The following TRIO variants were observed in gnomAD, a reference collection of about 807,000 sequenced individuals.
The protein encoded by TRIO is triple functional domain protein.
A neutral mutation model predicts 351.9 loss-of-function variants in TRIO; 58 were observed. The observed-to-expected ratio is 0.16, with a 90% CI of 0.13 to 0.21. The LOEUF (loss-of-function observed/expected upper bound fraction) is 0.21, where lower values mean the gene tolerates loss of function less well. Among genes scored for constraint, TRIO ranks in the 10% least tolerant of loss-of-function variants. The probability of loss-of-function intolerance (pLI) is 1.00; values close to 1 mark genes in which losing one functional copy is unlikely to be tolerated. For synonymous variants in TRIO, 1,758 were observed against 1,595.7 expected (o/e 1.10, Z -2.42); for missense variants, 3,201 against 4,027.8 (o/e 0.79, Z 5.56).
chr5:14,291,956 T>G (rs958113777), intron 5 of TRIO, among the ~76,000 whole-genome samples: 1 of 152,182 alleles, frequency 6.6e-6, no homozygotes, highest in Non-Finnish European at 1.5e-5. Context: ...AGTCTCATGT[T>G]TTATTCTTAT....
chr5:14,259,359 A>G (rs1335838195), intron 1 of TRIO, among the ~76,000 whole-genome samples: 1 of 152,256 alleles, frequency 6.6e-6, no homozygotes, highest in Non-Finnish European at 1.5e-5. Flanking sequence ...GTCTGTATGC[A>G]GAAGGTAATT....
chr5:14,364,026 C>G (rs981525715), intron 14 of TRIO, 99 bp downstream of exon 14: 1 of 1,234,968 alleles, frequency 8.1e-7, no homozygotes, highest in Non-Finnish European at 1.1e-6. Context: ...TTGTTAGTTC[C>G]TATGATAAAG....
chr5:14,259,735 T>A (rs1415028747), intron 1 of TRIO, among the ~76,000 whole-genome samples: 1 of 152,036 alleles, frequency 6.6e-6, no homozygotes, highest in Non-Finnish European at 1.5e-5. Context: ...AAATTAACTG[T>A]AGATTGCATG....
rs1173121592 is a variant in TRIO, at chr5:14,396,443, C to CTTTTTTTTT, written c.4312-564_4312-556dup. 1.9e-3 allele frequency among the ~76,000 whole-genome samples: 80 copies of CTTTTTTTTT among 41,554 alleles called. 17 individuals are homozygous for CTTTTTTTTT. Among genetic ancestry groups the CTTTTTTTTT allele is most frequent in the East Asian group, 3.9e-3 (3 of 762 alleles). 27.3% of individuals were successfully genotyped at this position (41,554 alleles called of 152,430 possible). A position where few individuals can be genotyped will look rare whatever the true frequency, so the allele number is the denominator to read the frequency against. On this transcript the variant is annotated intron_variant, in intron 28 of 56. Coordinates refer to ENST00000344204, the MANE Select transcript of TRIO (RefSeq NM_007118.4). Reference sequence around the variant, plus strand: ...ATAATAATTAAATATTTCTATTTATCTTTTTTTTTTTTTTTTTTTTTTTTT... The same window carrying CTTTTTTTTT: ...ATAATAATTAAATATTTCTATTTATCTTTTTTTTTTTTTTTTTTTTTTTTTTTTTTTTTT...
intron 34 of TRIO, among the ~76,000 whole-genome samples, chr5:14,438,100 T>G (rs1293859379): frequency 6.6e-6 from 1 of 152,196 alleles, no homozygotes; most frequent in Non-Finnish European, 1.5e-5. Flanking sequence ...AGTTCTTGTT[T>G]TCCTTCACAA....
intron 1 of TRIO, 40 bp downstream of exon 1, chr5:14,143,922 C>A: frequency 9.5e-7 from 1 of 1,052,316 alleles, no homozygotes; most frequent in South Asian, 4.4e-5. Flanking sequence ...CGGCGCTGCC[C>A]CAAGCGCTCG....
intron 1 of TRIO, among the ~76,000 whole-genome samples, chr5:14,168,032 A>G (rs1362912035): frequency 6.6e-5 from 10 of 152,242 alleles, no homozygotes. Context: ...TTTACAAGAT[A>G]GTTCTTCACA....
chr5:14,347,607 T>A (rs112523425), intron 11 of TRIO, among the ~76,000 whole-genome samples: 2,847 of 152,306 alleles, frequency 0.019, 33 homozygotes, highest in South Asian at 0.05. Context: ...ATGGGCAAAT[T>A]TCCAGCGTAT....
chr5:14,345,587 GTC>G (rs1742349811), intron 11 of TRIO, among the ~76,000 whole-genome samples: 1 of 152,206 alleles, frequency 6.6e-6, no homozygotes, highest in South Asian at 2.1e-4. Flanking sequence ...TTGAGACATA[GTC>G]TCACTCTGTC....
At chr5:14,448,196 C>G (rs887975619) in intron 34 of TRIO, among the ~76,000 whole-genome samples, 6 of 152,170 alleles carry the variant, frequency 3.9e-5, no homozygotes, top group African/African-American at 1.4e-4. Flanking sequence ...AAAAGAACAG[C>G]CATTTGACTT....
At chr5:14,265,799 G>A (rs1795637000) in intron 1 of TRIO, among the ~76,000 whole-genome samples, 1 of 152,112 alleles carries the variant, frequency 6.6e-6, no homozygotes. Flanking sequence ...TTGATTCAGT[G>A]GAAAGATATT....
intron 18 of TRIO, among the ~76,000 whole-genome samples, chr5:14,372,979 TAC>T (rs1311785570): frequency 6.6e-6 from 1 of 152,150 alleles, no homozygotes; most frequent in Non-Finnish European, 1.5e-5. Context: ...TCAGAAAACT[TAC>T]AGTCACTGCA....
chr5:14,409,752 A>G lies in TRIO; in HGVS notation c.4959+3080A>G, dbSNP rs556845804. 6.0e-5 allele frequency among the ~76,000 whole-genome samples: 9 copies of G among 150,714 alleles called. No homozygotes were observed. The South Asian group carries it at 6.4e-4, about 11-fold the overall frequency. ...CGGGAGGCTGAGGCAGGAGAATGGC[A>G]TGAACCCGGGAGGCAGAGCTTGCAG... On this transcript the variant is annotated intron_variant, in intron 33 of 56. Transcript: ENST00000344204.
Position 14,497,215 on chromosome 5 carries a change from G to T in TRIO, c.8019+198G>T, listed in dbSNP as rs904606705. 1.2e-4 allele frequency among the ~76,000 whole-genome samples: 19 copies of T among 152,208 alleles called. No individual in the cohort carries two copies. Among genetic ancestry groups the T allele is most frequent in the African/African-American group, 4.6e-4 (19 of 41,462 alleles). On this transcript the variant is annotated intron_variant, in intron 50 of 56. Coordinates refer to ENST00000344204, the MANE Select transcript of TRIO (RefSeq NM_007118.4). The surrounding 1 kb of genome is among the most constrained non-coding windows in gnomAD (Gnocchi z 4.4). ...CACAGGGATGGGTGCGTCCTACAAG[G>T]AACCAGGTAGACCCCTGCACACTTC...
At chr5:14,422,351 G>C (rs1750240198) in intron 34 of TRIO, among the ~76,000 whole-genome samples, 2 of 152,198 alleles carry the variant, frequency 1.3e-5, no homozygotes, top group African/African-American at 2.4e-5. Flanking sequence ...TAGGCAGGAG[G>C]AAGGAGCACC....
intron 45 of TRIO, 46 bp from the exon 46 acceptor site, chr5:14,482,536 A>G: frequency 3.0e-6 from 4 of 1,347,886 alleles, no homozygotes; most frequent in Non-Finnish European, 3.9e-6. Context: ...TTAGAAGGCA[A>G]TGTTTTCTTC....
chr5:14,273,120 T>G (rs1054238224), intron 2 of TRIO, among the ~76,000 whole-genome samples: 3 of 152,176 alleles, frequency 2.0e-5, no homozygotes, highest in Non-Finnish European at 4.4e-5. Context: ...AATCACTAAT[T>G]TACTTTCTGC....
intron 1 of TRIO, among the ~76,000 whole-genome samples, chr5:14,265,254 C>A (rs1380863357): frequency 1.3e-5 from 2 of 152,036 alleles, no homozygotes; most frequent in Non-Finnish European, 2.9e-5. Flanking sequence ...TTTAGAATCG[C>A]ATCAGTTCAT....
At chr5:14,354,554 C>G (rs1579410171) in intron 11 of TRIO, among the ~76,000 whole-genome samples, 1 of 152,312 alleles carries the variant, frequency 6.6e-6, no homozygotes, top group South Asian at 2.1e-4. Flanking sequence ...TTATTTTCAG[C>G]TACATTTCTT....
Sources: allele counts gnomAD v4.1 joint callset (sites outside exome capture counted in the v4.1 genomes callset), GRCh38; gene constraint gnomAD v4.1.1; non-coding constraint Gnocchi (gnomAD v3.1); transcripts MANE v1.5; gene names NCBI Gene and HGNC (gene_info 2026-07-23, HGNC 2026-07-21).